ADGRE3: variants seen among roughly 807,000 people sequenced by gnomAD.
The protein encoded by ADGRE3 is EGF-like module receptor 3.
Under a neutral mutation model 80.1 loss-of-function variants are expected in ADGRE3, and 88 were observed. The observed-to-expected ratio is 1.10, with a 90% CI of 0.93 to 1.31. The LOEUF is 1.31. Among genes scored for constraint, ADGRE3 ranks in the 40% most tolerant of loss-of-function variants. The probability of loss-of-function intolerance (pLI) is 0.00; values close to 1 mark genes in which losing one functional copy is unlikely to be tolerated. For synonymous variants in ADGRE3, 281 were observed against 294.8 expected, an observed-to-expected ratio of 0.95 and a Z score of 0.48; for missense variants, 715 against 776.5, an observed-to-expected ratio of 0.92 and a Z score of 0.94.
chr19:14,649,444 ATC>A (rs1387295050), intron 7 of ADGRE3, among the ~76,000 whole-genome samples: 2 of 96,606 alleles, frequency 2.1e-5, no homozygotes, highest in Non-Finnish European at 4.2e-5. Flanking sequence ...CTCTCTCCCC[ATC>A]TCTCTCTTTC....
At chr19:14,648,025 T>C (rs1599632652) in intron 7 of ADGRE3, among the ~76,000 whole-genome samples, 2 of 134,962 alleles carry the variant, frequency 1.5e-5, no homozygotes, top group Non-Finnish European at 3.0e-5. Flanking sequence ...GAGGCTGAAG[T>C]AAGCTGCGAT....
chr19:14,633,724 A>AAAATG (rs1970954321), intron 11 of ADGRE3, among the ~76,000 whole-genome samples: 1 of 144,606 alleles, frequency 6.9e-6, no homozygotes, highest in Non-Finnish European at 1.5e-5. Context: ...AAAATAAAAT[A>AAAATG]AAATAAAATA....
intron 7 of ADGRE3, among the ~76,000 whole-genome samples, chr19:14,648,193 C>A (rs1971469274): frequency 6.6e-6 from 1 of 151,512 alleles, no homozygotes; most frequent in Non-Finnish European, 1.5e-5. Context: ...TAATCTATTT[C>A]TTCCTACAAA....
chr19:14,638,779 T>A (rs1361063649), intron 10 of ADGRE3, among the ~76,000 whole-genome samples: 1 of 152,144 alleles, frequency 6.6e-6, no homozygotes, highest in African/African-American at 2.4e-5. Flanking sequence ...TATGTCTCCT[T>A]TCCTCATCCA....
At chr19:14,625,044 A>G (rs1227849037) in intron 15 of ADGRE3, among the ~76,000 whole-genome samples, 1 of 151,988 alleles carries the variant, frequency 6.6e-6, no homozygotes, top group African/African-American at 2.4e-5. Flanking sequence ...CAATGGTGCG[A>G]TCTTGGCTCA....
downstream of ADGRE3, among the ~76,000 whole-genome samples, chr19:14,615,031 G>C (rs2075067423): frequency 6.6e-6 from 1 of 151,700 alleles, no homozygotes. Context: ...GGCTATAGGT[G>C]TGTGCCACTA....
chr19:14,627,628 C>T (rs1003845529), intron 14 of ADGRE3, among the ~76,000 whole-genome samples: 1 of 151,946 alleles, frequency 6.6e-6, no homozygotes, highest in African/African-American at 2.4e-5. Flanking sequence ...ATCTGCCTGC[C>T]TCGGCCTCCC....
Position 14,671,557 on chromosome 19 carries a change from C to A in ADGRE3, c.26-2705G>T, listed in dbSNP as rs112349527. Among the ~76,000 whole-genome samples the A allele has an allele frequency of 1.1e-3, 161 of 152,228 alleles. 3 individuals are homozygous for A. The highest frequency in any genetic ancestry group is 3.7e-3 in the African/African-American group (154 of 41,546). On this transcript the variant is annotated intron_variant, in intron 1 of 15. Transcript: ENST00000253673. Reference sequence around the variant, plus strand: ...ATCAACATCTGCAAAGTTTCTTTTACCATGTAAGGTAACATATTAACAGGT... The same window carrying A: ...ATCAACATCTGCAAAGTTTCTTTTAACATGTAAGGTAACATATTAACAGGT...
At chr19:14,672,442 G>T (rs1972281828) in intron 1 of ADGRE3, among the ~76,000 whole-genome samples, 1 of 152,208 alleles carries the variant, frequency 6.6e-6, no homozygotes, top group Non-Finnish European at 1.5e-5. Flanking sequence ...GTGAAATAGG[G>T]TGGCAGTATG....
At chr19:14,633,096 C>T in intron 12 of ADGRE3, 84 bp from the exon 13 acceptor site, 6 of 1,279,748 alleles carry the variant, frequency 4.7e-6, no homozygotes, top group Admixed American at 1.8e-5. Context: ...GAGTCCTACC[C>T]TCTTGTACAT....
chr19:14,646,211 C>T (rs1156884306), intron 8 of ADGRE3, among the ~76,000 whole-genome samples: 1 of 152,170 alleles, frequency 6.6e-6, no homozygotes, highest in African/African-American at 2.4e-5. Context: ...CAACCTCCGC[C>T]TCCTGGGTTC....
At chr19:14,612,205 G>A in the ADGRE3 span, among the ~76,000 whole-genome samples, 1 of 152,158 alleles carries the variant, frequency 6.6e-6, no homozygotes, top group African/African-American at 2.4e-5. Context: ...TCCGGAGGCT[G>A]GATGTCCAAG....
intron 14 of ADGRE3, among the ~76,000 whole-genome samples, chr19:14,626,623 G>A (rs987013128): frequency 6.6e-6 from 1 of 152,188 alleles, no homozygotes; most frequent in Non-Finnish European, 1.5e-5. Flanking sequence ...AAGGGTGGAA[G>A]TGTAAGGAGT....
At chr19:14,636,012 TCTTCCTTCCTTC>T (rs1169075414) in intron 11 of ADGRE3, among the ~76,000 whole-genome samples, 8 of 99,328 alleles carry the variant, frequency 8.1e-5, no homozygotes, top group African/African-American at 2.7e-4. Context: ...TCTCTTTCTT[TCTTCCTTCCTTC>T]CTTCCTTCCT....
Position 14,674,727 on chromosome 19 carries a change from T to A in ADGRE3, c.25+19A>T. ...TGGGGGATAGGTTAAGCCTCAGTCA[T>A]TGTTACAGTCACACATACCTGGAAG... is the stretch of plus-strand genomic sequence containing the variant. On this transcript the variant is annotated intron_variant, in intron 1 of 15. Coordinates refer to ENST00000253673, the MANE Select transcript of ADGRE3 (RefSeq NM_032571.5). 1 of 1,612,698 alleles carries A rather than the reference T, an allele frequency of 6.2e-7. No individual in the cohort carries two copies.
chr19:14,650,996 AG>A (rs1283793404), intron 7 of ADGRE3, 88 bp downstream of exon 7: 1 of 1,374,470 alleles, frequency 7.3e-7, no homozygotes, highest in Non-Finnish European at 1.0e-6. Context: ...AAAGCCCATG[AG>A]GGGAGAGCCC....
downstream of ADGRE3, among the ~76,000 whole-genome samples, chr19:14,616,592 G>A (rs2075076378): frequency 6.6e-6 from 1 of 151,682 alleles, no homozygotes; most frequent in African/African-American, 2.4e-5. Flanking sequence ...GAAAAAAAAT[G>A]ATCAACAGAG....
At chr19:14,647,138 C>G (rs750651026) in intron 8 of ADGRE3, 43 bp downstream of exon 8, 1 of 1,548,240 alleles carries the variant, frequency 6.5e-7, no homozygotes, top group African/African-American at 1.4e-5. Context: ...GTTTGGCCTG[C>G]CTCCTTGAGA....
chr19:14,608,878 C>A, the ADGRE3 span, among the ~76,000 whole-genome samples: 2 of 151,056 alleles, frequency 1.3e-5, no homozygotes, highest in Admixed American at 6.6e-5. Flanking sequence ...TGGCTCACTG[C>A]AACTTCTGCC....
Sources: allele counts gnomAD v4.1 joint callset (sites outside exome capture counted in the v4.1 genomes callset), GRCh38; gene constraint gnomAD v4.1.1; transcripts MANE v1.5; gene names NCBI Gene and HGNC (gene_info 2026-07-23, HGNC 2026-07-21).